Variants in FIG4 observed in about 807,000 individuals in gnomAD.
FIG4 encodes the protein FIG4 phosphoinositide 5-phosphatase.
Under a neutral mutation model 118.6 loss-of-function variants are expected in FIG4, and 112 were observed. The observed-to-expected ratio is 0.94, with a 90% CI of 0.81 to 1.11. The LOEUF (loss-of-function observed/expected upper bound fraction) is 1.11, where lower values mean the gene tolerates loss of function less well. Among genes scored for constraint, FIG4 ranks in the 50% least tolerant of loss-of-function variants. The probability of loss-of-function intolerance (pLI) is 0.00; values close to 1 mark genes in which losing one functional copy is unlikely to be tolerated. For synonymous variants in FIG4, 369 were observed against 381.2 expected, an observed-to-expected ratio of 0.97 and a Z score of 0.37; for missense variants, 969 against 1,111.7, an observed-to-expected ratio of 0.87 and a Z score of 1.83.
At position 109,691,459 on chromosome 6, in the gene FIG4, C is replaced by A. The variant is rs755056253; in HGVS notation, c.24C>A (p.Ile8=). Reference sequence around the variant, plus strand: ...CCATGCCCACGGCCGCCGCCCCCATCATCAGCTCGGTCCAGAAGCTGGTTC... The same window carrying A: ...CCATGCCCACGGCCGCCGCCCCCATAATCAGCTCGGTCCAGAAGCTGGTTC... MPTAAAP[I]ISSVQKLVLY... The change falls in exon 1 of 23, where the codon ATC becomes ATA. Residue 8 remains isoleucine, a synonymous_variant. Transcript: ENST00000230124. 1.9e-6 allele frequency: 3 copies of A among 1,587,186 alleles called. No individual in the cohort carries two copies.
At position 109,811,590 on chromosome 6, in the gene FIG4, T is replaced by C. The variant is rs190938650; in HGVS notation, c.2547-13498T>C. On this transcript the variant is annotated intron_variant, in intron 22 of 22. Transcript: ENST00000230124. The stretch of plus-strand genomic sequence containing the variant: ...GGCACTGTTCTAGTCACTGGGGACA[T>C]AGTAGAAAACAAGACTGACAAGATT... Among the ~76,000 whole-genome samples, 171 of 152,322 alleles carry C rather than the reference T, an allele frequency of 1.1e-3. 1 individual carries two copies. Among genetic ancestry groups the C allele is most frequent in the African/African-American group, 3.7e-3 (155 of 41,578 alleles).
intron 22 of FIG4, among the ~76,000 whole-genome samples, chr6:109,805,643 G>T (rs536848881): frequency 1.3e-4 from 20 of 152,268 alleles, no homozygotes; most frequent in Admixed American, 3.9e-4. Context: ...TGAATAAAAT[G>T]TATCCTGTCC....
chr6:109,767,034 G>A (rs574801777), intron 15 of FIG4, 139 bp downstream of exon 15: 30 of 694,228 alleles, frequency 4.3e-5, no homozygotes, highest in Non-Finnish European at 2.4e-6. Context: ...CTTAGAAGGT[G>A]CTCAGTAAAT....
At chr6:109,761,855 A>G (rs1777117274) in intron 11 of FIG4, among the ~76,000 whole-genome samples, 1 of 152,236 alleles carries the variant, frequency 6.6e-6, no homozygotes. Flanking sequence ...AGGATCACCA[A>G]TATTTGATAT....
At chr6:109,727,660 A>G (rs1392400704) in intron 4 of FIG4, among the ~76,000 whole-genome samples, 1 of 152,170 alleles carries the variant, frequency 6.6e-6, no homozygotes, top group Non-Finnish European at 1.5e-5. Context: ...TTTTATGATG[A>G]AAAAAACAGC....
intron 13 of FIG4, 21 bp downstream of exon 13, chr6:109,764,003 C>T (rs75463717): frequency 1.3e-5 from 20 of 1,514,810 alleles, no homozygotes; most frequent in South Asian, 9.0e-5. Flanking sequence ...TATTACAATT[C>T]GTAATGAATA....
At position 109,776,931 on chromosome 6, in the gene FIG4, G is replaced by A; in HGVS notation, c.1760G>A (p.Arg587Lys). 6.2e-7 allele frequency: 1 copy of A among 1,613,152 alleles called. No individual in the cohort carries two copies. The highest frequency in any genetic ancestry group is 8.5e-7 in the Non-Finnish European group (1 of 1,179,362). The change falls in exon 16 of 23, where the codon AGA becomes AAA. Residue 587 changes from arginine to lysine, a missense_variant. Arg to Lys is a conservative substitution (Grantham distance 26). Transcript: ENST00000230124. ...YYSNAFSDAD[R>K]QDSINLFLGV... ...ATATTTTGCTTTTTAGATGCCGATA[G>A]ACAAGATTCCATTAATCTCTTCCTG...
intron 22 of FIG4, among the ~76,000 whole-genome samples, chr6:109,804,307 G>A (rs1048085452): frequency 8.5e-5 from 13 of 152,144 alleles, no homozygotes; most frequent in African/African-American, 3.1e-4. Context: ...GTGAGTGGGA[G>A]GATTTGGGGC....
chr6:109,711,795 TATC>T (rs1408277236), intron 1 of FIG4, among the ~76,000 whole-genome samples: 4 of 152,216 alleles, frequency 2.6e-5, no homozygotes, highest in African/African-American at 4.8e-5. Flanking sequence ...CGTGTGAACC[TATC>T]ATCAGGATGT....
chr6:109,718,406 C>G (rs1195711223), intron 3 of FIG4, among the ~76,000 whole-genome samples: 1 of 152,216 alleles, frequency 6.6e-6, no homozygotes, highest in African/African-American at 2.4e-5. Flanking sequence ...ATGGACTTGA[C>G]TATGCTATAT....
intron 4 of FIG4, among the ~76,000 whole-genome samples, chr6:109,731,997 C>T (rs191063665): frequency 2.6e-5 from 4 of 152,132 alleles, no homozygotes; most frequent in Admixed American, 1.3e-4. Context: ...AAAGATGGCT[C>T]TAATGTGATA....
At chr6:109,701,671 A>G (rs1475620033) in intron 1 of FIG4, 1 of 471,044 alleles carries the variant, frequency 2.1e-6, no homozygotes, top group African/African-American at 2.0e-5. Context: ...GGATTTAAGG[A>G]AGCTCCCTCC....
At chr6:109,724,519 T>TGGA in intron 3 of FIG4, among the ~76,000 whole-genome samples, 1 of 152,172 alleles carries the variant, frequency 6.6e-6, no homozygotes, top group African/African-American at 2.4e-5. Flanking sequence ...ACAGCACATA[T>TGGA]CTTTTTATGT....
At chr6:109,771,593 C>T (rs113609599) in intron 15 of FIG4, among the ~76,000 whole-genome samples, 16,112 of 151,466 alleles carry the variant, frequency 0.11, 1,586 homozygotes, top group African/African-American at 0.26. Flanking sequence ...CTCAGCCTCC[C>T]GAGTAGCTGG....
intron 8 of FIG4, among the ~76,000 whole-genome samples, 154 bp from the exon 9 acceptor site, chr6:109,742,956 A>G (rs946901481): frequency 1.3e-5 from 2 of 152,126 alleles, no homozygotes; most frequent in African/African-American, 2.4e-5. Flanking sequence ...TCTAATGTGC[A>G]TATTGAATAT....
chr6:109,701,616 T>C (rs1306809292), intron 1 of FIG4: 16 of 448,164 alleles, frequency 3.6e-5, no homozygotes, highest in Non-Finnish European at 7.4e-5. Context: ...TTGTTCAAGA[T>C]TGTTAGCATA....
intron 10 of FIG4, among the ~76,000 whole-genome samples, chr6:109,751,499 C>T (rs1444593640): frequency 3.9e-5 from 6 of 152,120 alleles, no homozygotes; most frequent in African/African-American, 1.4e-4. Flanking sequence ...GTACCAGCTC[C>T]TCTTTGTACC....
chr6:109,718,879 G>A (rs1246709716), intron 3 of FIG4, among the ~76,000 whole-genome samples: 1 of 151,068 alleles, frequency 6.6e-6, no homozygotes, highest in Non-Finnish European at 1.5e-5. Flanking sequence ...TTAAATAATA[G>A]TTACTTAATA....
At chr6:109,818,143 A>G (rs141555566) in intron 22 of FIG4, among the ~76,000 whole-genome samples, 11 of 152,214 alleles carry the variant, frequency 7.2e-5, no homozygotes, top group Non-Finnish European at 1.2e-4. Flanking sequence ...CTGCAGTTTC[A>G]GTTACCTGAA....
Sources: gnomAD v4.1 joint callset for allele counts (sites outside exome capture counted in the v4.1 genomes callset) on GRCh38, gnomAD v4.1.1 for gene constraint, MANE v1.5 for transcripts, NCBI Gene and HGNC (gene_info 2026-07-23, HGNC 2026-07-21) for gene names.